Variants in ITPR3 observed in about 807,000 individuals in gnomAD.
The protein encoded by ITPR3 is inositol 1,4,5-trisphosphate receptor type 3.
ITPR3 carries 173 observed loss-of-function variants against 293.2 expected under a neutral mutation model. That is an observed-to-expected ratio of 0.59 (90% CI 0.52 to 0.67). The LOEUF (loss-of-function observed/expected upper bound fraction) is 0.67, where lower values mean the gene tolerates loss of function less well. ITPR3 is among the 30% of genes least tolerant of loss of function. The pLI is 0.00. For synonymous variants in ITPR3, 1,295 were observed against 1,444.4 expected (o/e 0.90, Z 2.35); for missense variants, 2,796 against 3,592.1 (o/e 0.78, Z 5.66).
rs924852821 is a variant in ITPR3 at position 33,682,114 on chromosome 6, G to T, written c.4477-410G>T. 6.6e-6 allele frequency among the ~76,000 whole-genome samples: 1 copy of T among 152,048 alleles called. No homozygotes were observed. The highest frequency in any genetic ancestry group is 1.5e-5 in the Non-Finnish European group (1 of 68,008). On this transcript the variant is annotated intron_variant, in intron 33 of 57. Coordinates refer to ENST00000605930, the MANE Select transcript of ITPR3 (RefSeq NM_002224.4). This position sits in a 1 kb window ranked among gnomAD's most constrained non-coding sequence, Gnocchi z 5.4. Reference sequence around the variant, plus strand: ...CCAGGCTGGTCTCGAACTCCTGACCGCAAGTCATCCACCCACCTTGGCCTC... The same window carrying T: ...CCAGGCTGGTCTCGAACTCCTGACCTCAAGTCATCCACCCACCTTGGCCTC...
At chr6:33,673,844 C>T (rs1013166176) in intron 23 of ITPR3, 124 bp downstream of exon 23, 1 of 1,142,356 alleles carries the variant, frequency 8.8e-7, no homozygotes, top group African/African-American at 1.6e-5. Flanking sequence ...TTTCTTTCCA[C>T]TGTCTCATTT....
At chr6:33,659,808 G>A (rs1461876499) in intron 7 of ITPR3, among the ~76,000 whole-genome samples, 1 of 152,136 alleles carries the variant, frequency 6.6e-6, no homozygotes, top group Non-Finnish European at 1.5e-5. Context: ...TTGTTTAAGG[G>A]GGTGTCAGTG....
rs1400764896 is a variant in ITPR3, at chr6:33,668,509, C to T, written c.1887-6C>T. ...CTCTTCCCACCGCTGGCTGTCACCA[C>T]CCCAGGTTCCTGGACTACCTCTCTG... On this transcript the variant is annotated splice_polypyrimidine_tract_variant and splice_region_variant and intron_variant, in intron 16 of 57. Coordinates refer to ENST00000605930, the MANE Select transcript of ITPR3 (RefSeq NM_002224.4). 5.6e-6 allele frequency: 9 copies of T among 1,614,138 alleles called. No homozygotes were observed. Among genetic ancestry groups the T allele is most frequent in the East Asian group, 4.5e-5 (2 of 44,866 alleles).
Position 33,683,032 on chromosome 6 carries a change from AG to A in ITPR3, c.4598-171del, listed in dbSNP as rs1765119424. 6.8e-6 allele frequency among the ~76,000 whole-genome samples: 1 copy of A among 148,074 alleles called. No individual in the cohort carries two copies. The highest frequency in any genetic ancestry group is 1.5e-5 in the Non-Finnish European group (1 of 67,230). ...AGGCAGAAACTCCTTTTACCCAACAAGGGGAAGAAAGCCTCTCAGTCCCTCA... is the reference window on the plus strand; with the variant it reads ...AGGCAGAAACTCCTTTTACCCAACAAGGGAAGAAAGCCTCTCAGTCCCTCA... On this transcript the variant is annotated intron_variant, in intron 34 of 57. Coordinates refer to ENST00000605930, the MANE Select transcript of ITPR3 (RefSeq NM_002224.4). The surrounding 1 kb of genome is among the most constrained non-coding windows in gnomAD (Gnocchi z 4.5).
rs1247813530 is a variant in ITPR3, at chr6:33,696,533, A to G, written c.*753A>G. On this transcript the variant is annotated 3_prime_UTR_variant, in exon 58 of 58. Coordinates refer to ENST00000605930, the MANE Select transcript of ITPR3 (RefSeq NM_002224.4). ...CCTTTGGCCTGAGAACTAATATGTT[A>G]ATTGCCTTAAATAAATTAATAGAAA... The G allele has an allele frequency of 2.0e-5, 3 of 152,574 alleles. No homozygotes were observed. The highest frequency in any genetic ancestry group is 2.0e-4 in the Admixed American group (3 of 15,280). The allele number at this position is 152,574 out of a possible 1,614,324, so 9.5% of individuals were successfully genotyped here.
chr6:33,689,707 G>A (rs530800418), intron 50 of ITPR3, among the ~76,000 whole-genome samples: 3 of 152,360 alleles, frequency 2.0e-5, no homozygotes, highest in Admixed American at 6.5e-5. Context: ...GCACTGCTAC[G>A]CGGCAGACGT....
At chr6:33,694,784 C>A in intron 56 of ITPR3, 140 bp from the exon 57 acceptor site, 2 of 1,088,170 alleles carry the variant, frequency 1.8e-6, no homozygotes, top group Non-Finnish European at 2.7e-6. Context: ...CAGGTCAATT[C>A]AGATTTTCCC....
chr6:33,629,866 G>A (rs897753150), intron 1 of ITPR3, among the ~76,000 whole-genome samples: 4 of 151,938 alleles, frequency 2.6e-5, no homozygotes, highest in Admixed American at 6.5e-5. Context: ...GCTGAGGCAG[G>A]CGGATCACGA....
intron 2 of ITPR3, among the ~76,000 whole-genome samples, chr6:33,650,551 T>G (rs1402880482): frequency 6.6e-6 from 1 of 152,178 alleles, no homozygotes; most frequent in Non-Finnish European, 1.5e-5. Flanking sequence ...GTCACTTGAA[T>G]GGGCTCAGCC....
chr6:33,695,410 C>CCCTCTTG, intron 57 of ITPR3: 2 of 559,336 alleles, frequency 3.6e-6, no homozygotes, highest in Non-Finnish European at 6.4e-6. Flanking sequence ...GAGTTTAAGG[C>CCCTCTTG]CCTCTTGCCT....
intron 2 of ITPR3, among the ~76,000 whole-genome samples, chr6:33,652,177 G>T (rs1020939456): frequency 1.3e-5 from 2 of 152,098 alleles, no homozygotes; most frequent in African/African-American, 4.8e-5. Context: ...GTTTCTAGAT[G>T]CGCCATATCC....
At position 33,673,753 on chromosome 6, in the gene ITPR3, G is replaced by A. The variant is rs746952775; in HGVS notation, c.3058+33G>A. On this transcript the variant is annotated intron_variant, in intron 23 of 57. Coordinates refer to ENST00000605930, the MANE Select transcript of ITPR3 (RefSeq NM_002224.4). The stretch of plus-strand genomic sequence containing the variant: ...CCTGCCCTGCCTTCAGGCTGAGGCT[G>A]TGCGACTCTCCCAGGGATACACAGC... The A allele has an allele frequency of 3.1e-6, 5 of 1,611,854 alleles. No homozygotes were observed. In the African/African-American group the frequency reaches 6.7e-5, roughly 22 times the overall value.
chr6:33,693,593 A>C lies in ITPR3; in HGVS notation c.7673A>C (p.His2558Pro). The C allele has an allele frequency of 6.2e-7, 1 of 1,614,196 alleles. No homozygotes were observed. The highest frequency in any genetic ancestry group is 8.5e-7 in the Non-Finnish European group (1 of 1,180,030). ...AACAAGACAGTGTCATTTGAGGAAC[A>C]CATCAAGCTGGAGCACAACATGTGG... ...FDNKTVSFEE[H>P]IKLEHNMWNY... Residue 2558 changes from histidine to proline, a missense_variant, in exon 56 of 58, where the codon CAC (histidine) becomes CCC (proline). Around this residue, in one of 8 missense-constraint regions of ITPR3, gnomAD observed 568 missense variants for 796.1 expected, o/e 0.71. Coordinates refer to ENST00000605930, the MANE Select transcript of ITPR3 (RefSeq NM_002224.4).
At position 33,655,895 on chromosome 6, in the gene ITPR3, T is replaced by A; in HGVS notation, c.282+8T>A. ...TTGCTGCAGAAGCTGCAGGTATGTG[T>A]GTGTGTGCAGGCGTGCATCTGTGCA... is the stretch of plus-strand genomic sequence containing the variant. On this transcript the variant is annotated splice_region_variant and intron_variant, in intron 3 of 57. Transcript: ENST00000605930. The surrounding 1 kb of genome is among the most constrained non-coding windows in gnomAD (Gnocchi z 4.9). 1.2e-6 allele frequency: 2 copies of A among 1,613,786 alleles called. No homozygotes were observed. The highest frequency in any genetic ancestry group is 1.7e-6 in the Non-Finnish European group (2 of 1,179,908).
intron 33 of ITPR3, among the ~76,000 whole-genome samples, chr6:33,680,940 C>G (rs1765059293): frequency 6.6e-6 from 1 of 151,616 alleles, no homozygotes; most frequent in Admixed American, 6.6e-5. Flanking sequence ...CCTGCCTCAG[C>G]CTCCCGAGTA....
chr6:33,639,392 A>C (rs909428014), intron 1 of ITPR3, among the ~76,000 whole-genome samples: 6 of 151,850 alleles, frequency 4.0e-5, no homozygotes, highest in South Asian at 2.1e-4. Context: ...AAAAAAAAAA[A>C]AAACAGAAAA....
intron 2 of ITPR3, among the ~76,000 whole-genome samples, chr6:33,641,083 GGT>G (rs1454904844): frequency 6.6e-6 from 1 of 152,216 alleles, no homozygotes; most frequent in East Asian, 1.9e-4. Flanking sequence ...GTGGGAAGTT[GGT>G]GAGAATTCAC....
At chr6:33,647,458 C>T (rs539639636) in intron 2 of ITPR3, among the ~76,000 whole-genome samples, 20 of 152,296 alleles carry the variant, frequency 1.3e-4, no homozygotes, top group Admixed American at 7.8e-4. Flanking sequence ...CATCCATCCA[C>T]AGACCTTTTT....
Position 33,686,363 on chromosome 6 carries a change from A to C in ITPR3, c.5869-46A>C, listed in dbSNP as rs762034982. The C allele has an allele frequency of 2.1e-5, 34 of 1,598,082 alleles. 2 individuals carry two copies. The South Asian group carries it at 3.1e-4, about 15-fold the overall frequency. ...GGCTGAGGTCTCTGGAGCTGCCACT[A>C]TTCTGAGAGGGCCTGGGCCCTGTGT... On this transcript the variant is annotated intron_variant, in intron 42 of 57. Coordinates refer to ENST00000605930, the MANE Select transcript of ITPR3 (RefSeq NM_002224.4).
Sources: allele counts gnomAD v4.1 joint callset (sites outside exome capture counted in the v4.1 genomes callset), GRCh38; gene constraint gnomAD v4.1.1; regional missense constraint gnomAD v4.1.1; non-coding constraint Gnocchi (gnomAD v3.1); transcripts MANE v1.5; gene names NCBI Gene and HGNC (gene_info 2026-07-23, HGNC 2026-07-21).